Variants in SLC7A1 observed in about 807,000 individuals in gnomAD.
SLC7A1 encodes solute carrier family 7 member 1.
A neutral mutation model predicts 53.9 loss-of-function variants in SLC7A1; 10 were observed. That is an observed-to-expected ratio of 0.19 (90% confidence interval 0.11 to 0.31). SLC7A1 has a LOEUF of 0.31. Among genes scored for constraint, SLC7A1 ranks in the 10% least tolerant of loss-of-function variants. SLC7A1 has a pLI of 1.00. For synonymous variants in SLC7A1, 342 were observed against 338.7 expected (o/e 1.01, Z -0.11); for missense variants, 525 against 827.2 (o/e 0.63, Z 4.48).
chr13:29,583,662 T>C (rs573748261), intron 1 of SLC7A1, among the ~76,000 whole-genome samples: 3 of 152,300 alleles, frequency 2.0e-5, no homozygotes, highest in East Asian at 3.9e-4. Context: ...CCAAGAAACA[T>C]GAGACGGCAA....
intron 9 of SLC7A1, 127 bp from the exon 10 acceptor site, chr13:29,517,917 A>C (rs1868432785): frequency 1.4e-6 from 1 of 708,344 alleles, no homozygotes; most frequent in Non-Finnish European, 2.5e-6. Flanking sequence ...GGAAGGATAT[A>C]GTCAAATGCT....
intron 8 of SLC7A1, 71 bp from the exon 9 acceptor site, chr13:29,519,620 C>T (rs913294386): frequency 9.6e-6 from 9 of 937,914 alleles, no homozygotes; most frequent in East Asian, 5.0e-5. Flanking sequence ...CCACCACTGC[C>T]GCCCACCATC....
intron 11 of SLC7A1, 168 bp downstream of exon 11, chr13:29,516,976 T>C (rs900032132): frequency 1.8e-6 from 1 of 564,760 alleles, no homozygotes; most frequent in Admixed American, 3.6e-5. Context: ...TTCCAGGGTC[T>C]GGTCCTCTCT....
At position 29,514,133 on chromosome 13, in the gene SLC7A1, C is replaced by T. The variant is rs555624391; in HGVS notation, c.*347G>A. ...GTCCCCGGGAGGAAGGCCTGGTTCC[C>T]AAGATAAGGAGAGAAGGTGACCTCC... On this transcript the variant is annotated 3_prime_UTR_variant, in exon 13 of 13. Coordinates refer to ENST00000380752, the MANE Select transcript of SLC7A1 (RefSeq NM_003045.5). The T allele has an allele frequency of 3.6e-6, 1 of 275,156 alleles. No homozygotes were observed. The highest frequency in any genetic ancestry group is 7.7e-5 in the East Asian group (1 of 13,028). 17.0% of individuals were successfully genotyped at this position (275,156 alleles called of 1,614,324 possible).
chr13:29,544,528 G>T (rs540129704), intron 2 of SLC7A1, among the ~76,000 whole-genome samples: 4 of 152,300 alleles, frequency 2.6e-5, no homozygotes, highest in Middle Eastern at 3.4e-3. Flanking sequence ...GGAGACGCAG[G>T]CTTGATTACA....
chr13:29,594,125 C>T (rs987529199), intron 1 of SLC7A1, among the ~76,000 whole-genome samples: 1 of 152,180 alleles, frequency 6.6e-6, no homozygotes, highest in African/African-American at 2.4e-5. Context: ...ATCATGGTTT[C>T]CTATTATCTG....
At chr13:29,519,654 T>C in intron 8 of SLC7A1, 105 bp from the exon 9 acceptor site, 1 of 648,542 alleles carries the variant, frequency 1.5e-6, no homozygotes, top group Non-Finnish European at 2.7e-6. Context: ...GGGGCTGCTT[T>C]TACTCCCACC....
chr13:29,568,752 A>G (rs550311024), intron 1 of SLC7A1, among the ~76,000 whole-genome samples: 1 of 152,240 alleles, frequency 6.6e-6, no homozygotes, highest in Non-Finnish European at 1.5e-5. Context: ...GATGATGATC[A>G]TGAGACTGAG....
intron 1 of SLC7A1, among the ~76,000 whole-genome samples, chr13:29,594,290 C>G (rs955226267): frequency 2.0e-4 from 31 of 152,382 alleles, no homozygotes; most frequent in African/African-American, 7.2e-4. Context: ...GGGAGATACA[C>G]CTGGGATTGA....
chr13:29,576,067 C>G lies in SLC7A1; in HGVS notation c.-115+19349G>C, dbSNP rs187098705. ...CTCTCGGAGGCTGAAATAGGAGGATCCCTTGAGGCCAGGAGTTTGAGAATA... is the reference window on the plus strand; with the variant it reads ...CTCTCGGAGGCTGAAATAGGAGGATGCCTTGAGGCCAGGAGTTTGAGAATA... On this transcript the variant is annotated intron_variant, in intron 1 of 12. Coordinates refer to ENST00000380752, the MANE Select transcript of SLC7A1 (RefSeq NM_003045.5). 3.9e-3 allele frequency among the ~76,000 whole-genome samples: 581 copies of G among 150,248 alleles called. 6 individuals carry two copies. The highest frequency in any genetic ancestry group is 0.035 in the Middle Eastern group (10 of 288).
intron 1 of SLC7A1, among the ~76,000 whole-genome samples, chr13:29,590,438 C>A (rs1872063594): frequency 6.6e-6 from 1 of 152,084 alleles, no homozygotes; most frequent in Non-Finnish European, 1.5e-5. Flanking sequence ...ACACAGCAAA[C>A]ACTAAGAAAG....
At position 29,551,680 on chromosome 13, in the gene SLC7A1, G is replaced by C. The variant is rs1000694335; in HGVS notation, c.-15+2081C>G. Among the ~76,000 whole-genome samples, 4 of 152,100 alleles carry C rather than the reference G, an allele frequency of 2.6e-5. No individual in the cohort carries two copies. In the East Asian group the frequency reaches 7.7e-4, roughly 29 times the overall value. ...GAAACACATCTGACTGGGGCGGCGC[G>C]GGGAAGAATGCAGAATGAACTCACT... is the stretch of plus-strand genomic sequence containing the variant. On this transcript the variant is annotated intron_variant, in intron 2 of 12. Transcript: ENST00000380752.
At chr13:29,594,431 T>C (rs1179346330) in intron 1 of SLC7A1, among the ~76,000 whole-genome samples, 1 of 152,226 alleles carries the variant, frequency 6.6e-6, no homozygotes, top group Non-Finnish European at 1.5e-5. Context: ...CTGACTATCC[T>C]AGTCACACAA....
intron 1 of SLC7A1, among the ~76,000 whole-genome samples, chr13:29,561,390 C>A (rs977823642): frequency 2.6e-5 from 4 of 152,126 alleles, no homozygotes; most frequent in Admixed American, 6.5e-5. Flanking sequence ...GTGAAGTCAA[C>A]CAATAGCTAC....
At position 29,545,447 on chromosome 13, in the gene SLC7A1, C is replaced by T. The variant is rs562489574; in HGVS notation, c.-15+8314G>A. The stretch of plus-strand genomic sequence containing the variant: ...TCAACAAGGCACAACGTCAAGGTCT[C>T]TGTTTCTACGTGTGTAAAATGGGGA... On this transcript the variant is annotated intron_variant, in intron 2 of 12. Transcript: ENST00000380752. Among the ~76,000 whole-genome samples the T allele has an allele frequency of 2.6e-5, 4 of 152,258 alleles. No homozygotes were observed. The East Asian group carries it at 7.7e-4, about 29-fold the overall frequency.
At position 29,512,163 on chromosome 13, in the gene SLC7A1, G is replaced by A. The variant is rs1883412671; in HGVS notation, c.*2317C>T. On this transcript the variant is annotated 3_prime_UTR_variant, in exon 13 of 13. Coordinates refer to ENST00000380752, the MANE Select transcript of SLC7A1 (RefSeq NM_003045.5). The stretch of plus-strand genomic sequence containing the variant: ...AGCACGGTGACCAGTGAACTATTAT[G>A]CAAGGCACCCCCACGTGTCCTTTCC... 1 of 152,298 alleles carries A rather than the reference G, an allele frequency of 6.6e-6. No homozygotes were observed. Among genetic ancestry groups the A allele is most frequent in the African/African-American group, 2.4e-5 (1 of 41,558 alleles). The allele number at this position is 152,298 out of a possible 1,614,324, so 9.4% of individuals were successfully genotyped here.
chr13:29,572,421 G>A (rs2139169459), intron 1 of SLC7A1, among the ~76,000 whole-genome samples: 1 of 152,308 alleles, frequency 6.6e-6, no homozygotes, highest in Admixed American at 6.5e-5. Flanking sequence ...GGCCACCCAG[G>A]AGGATGCTGG....
chr13:29,556,212 A>G (rs1292682222), intron 1 of SLC7A1, among the ~76,000 whole-genome samples: 2 of 152,158 alleles, frequency 1.3e-5, no homozygotes. Flanking sequence ...CTAAACATTA[A>G]AGACACTGGC....
chr13:29,539,739 C>G (rs771717303), intron 2 of SLC7A1, among the ~76,000 whole-genome samples: 1 of 152,172 alleles, frequency 6.6e-6, no homozygotes, highest in Admixed American at 6.5e-5. Context: ...GGGACCCCTA[C>G]AGGAGATTAC....
Sources: gnomAD v4.1 joint callset for allele counts (sites outside exome capture counted in the v4.1 genomes callset) on GRCh38, gnomAD v4.1.1 for gene constraint, MANE v1.5 for transcripts, NCBI Gene and HGNC (gene_info 2026-07-23, HGNC 2026-07-21) for gene names.